The following CPVL variants were observed in gnomAD, a reference collection of about 807,000 sequenced individuals.
The protein encoded by CPVL is probable serine carboxypeptidase CPVL.
CPVL carries 51 observed loss-of-function variants against 63.7 expected under a neutral mutation model. That is an observed-to-expected ratio of 0.80 (90% CI 0.64 to 1.01). CPVL has a LOEUF of 1.01. Among genes scored for constraint, CPVL ranks in the 50% least tolerant of loss-of-function variants. CPVL has a pLI of 0.00. For synonymous variants in CPVL, 195 were observed against 206.0 expected (o/e 0.95, Z 0.46); for missense variants, 530 against 573.1 (o/e 0.92, Z 0.77).
At chr7:29,116,275 G>A (rs1788772168) in intron 2 of CPVL, among the ~76,000 whole-genome samples, 1 of 152,098 alleles carries the variant, frequency 6.6e-6, no homozygotes, top group African/African-American at 2.4e-5. Context: ...GTTTTGCCCT[G>A]TTTCAAATTT....
chr7:29,189,817 C>T (rs984761912), intron 1 of CPVL, among the ~76,000 whole-genome samples: 1 of 152,130 alleles, frequency 6.6e-6, no homozygotes, highest in Non-Finnish European at 1.5e-5. Context: ...ATACTCCAGG[C>T]AATACCCCCA....
chr7:29,071,113 A>G (rs1783692005), intron 9 of CPVL, among the ~76,000 whole-genome samples: 1 of 152,198 alleles, frequency 6.6e-6, no homozygotes, highest in African/African-American at 2.4e-5. Context: ...AAAAAGCAAA[A>G]AAAAACAAAA....
chr7:29,054,067 G>A (rs1296773741), intron 11 of CPVL, among the ~76,000 whole-genome samples: 2 of 151,748 alleles, frequency 1.3e-5, no homozygotes, highest in African/African-American at 4.9e-5. Flanking sequence ...GCAAGATCCT[G>A]TCACAAAACA....
chr7:29,146,033 A>T (rs1045873378), intron 1 of CPVL: 1 of 152,324 alleles, frequency 6.6e-6, no homozygotes, highest in African/African-American at 2.4e-5. Context: ...ACACATCCCC[A>T]AAACACGCGT....
intron 3 of CPVL, among the ~76,000 whole-genome samples, chr7:29,103,672 C>T (rs73684593): frequency 0.018 from 2,678 of 152,220 alleles, 81 homozygotes; most frequent in East Asian, 0.1. Context: ...CAGGCATCTG[C>T]CAATCTTCAG....
At chr7:29,013,700 A>T (rs998613908) in intron 12 of CPVL, among the ~76,000 whole-genome samples, 1 of 152,186 alleles carries the variant, frequency 6.6e-6, no homozygotes, top group African/African-American at 2.4e-5. Flanking sequence ...AGACATAGAG[A>T]TGCACCCCAC....
intron 5 of CPVL, among the ~76,000 whole-genome samples, chr7:29,153,543 A>T (rs1250545441): frequency 6.6e-6 from 1 of 152,182 alleles, no homozygotes; most frequent in East Asian, 1.9e-4. Context: ...CCACTTAATG[A>T]ACAGTAAATA....
At chr7:29,129,563 G>T (rs536023916) in intron 1 of CPVL, among the ~76,000 whole-genome samples, 5 of 151,138 alleles carry the variant, frequency 3.3e-5, no homozygotes, top group Admixed American at 1.3e-4. Flanking sequence ...CTGCCTCCCA[G>T]ATTCAAGCAA....
intron 5 of CPVL, among the ~76,000 whole-genome samples, chr7:29,153,315 C>T (rs755222610): frequency 2.0e-5 from 3 of 152,254 alleles, no homozygotes; most frequent in Non-Finnish European, 2.9e-5. Context: ...ACAGTTGACC[C>T]TTGAACGCAT....
At chr7:28,999,147 G>C (rs1784366701) in intron 12 of CPVL, among the ~76,000 whole-genome samples, 2 of 152,124 alleles carry the variant, frequency 1.3e-5, no homozygotes, top group African/African-American at 2.4e-5. Flanking sequence ...GGGAGGCAGA[G>C]GTTGCAGTGA....
At chr7:29,086,217 A>C (rs1363195232) in intron 7 of CPVL, among the ~76,000 whole-genome samples, 1 of 152,056 alleles carries the variant, frequency 6.6e-6, no homozygotes, top group African/African-American at 2.4e-5. Context: ...GCTTGAACCC[A>C]GGAGGCGCAG....
intron 1 of CPVL, among the ~76,000 whole-genome samples, chr7:29,122,105 A>G (rs1003866669): frequency 2.6e-5 from 4 of 152,230 alleles, no homozygotes; most frequent in African/African-American, 4.8e-5. Flanking sequence ...ATGTATTTGT[A>G]GATGATTTGA....
intron 6 of CPVL, among the ~76,000 whole-genome samples, chr7:29,089,630 T>G (rs1202139047): frequency 6.6e-6 from 1 of 152,158 alleles, no homozygotes; most frequent in African/African-American, 2.4e-5. Context: ...TTACCACCCC[T>G]TTCCATGGCA....
chr7:29,150,586 A>C (rs1351371168), upstream of CPVL, among the ~76,000 whole-genome samples: 2 of 152,222 alleles, frequency 1.3e-5, no homozygotes, highest in African/African-American at 4.8e-5. Context: ...GGTAAATACA[A>C]TTCCAATTGT....
At chr7:29,164,355 T>C (rs1001395660) in intron 5 of CPVL, among the ~76,000 whole-genome samples, 1 of 152,210 alleles carries the variant, frequency 6.6e-6, no homozygotes, top group African/African-American at 2.4e-5. Flanking sequence ...CTCTTCTTAT[T>C]AAGTTGTAAG....
intron 1 of CPVL, among the ~76,000 whole-genome samples, chr7:29,144,126 ATCTT>A (rs1294913839): frequency 2.0e-5 from 3 of 152,232 alleles, no homozygotes; most frequent in African/African-American, 2.4e-5. Flanking sequence ...TTCTAGAGGT[ATCTT>A]TCTAATTCTG....
intron 7 of CPVL, among the ~76,000 whole-genome samples, chr7:29,079,452 C>T (rs1229153689): frequency 6.6e-6 from 1 of 152,024 alleles, no homozygotes; most frequent in Non-Finnish European, 1.5e-5. Flanking sequence ...CCTAACCTCA[C>T]TAAGCCTCGG....
intron 12 of CPVL, among the ~76,000 whole-genome samples, chr7:29,019,903 C>T (rs1786789142): frequency 6.6e-6 from 1 of 152,230 alleles, no homozygotes; most frequent in Non-Finnish European, 1.5e-5. Context: ...CGTGGTAAAA[C>T]ACTCACTATC....
chr7:29,000,544 C>T (rs1024019144), intron 12 of CPVL, among the ~76,000 whole-genome samples: 1 of 151,910 alleles, frequency 6.6e-6, no homozygotes, highest in African/African-American at 2.4e-5. Context: ...AAGCTGCGGG[C>T]GCATGCAGCA....
Sources: allele counts gnomAD v4.1 joint callset (sites outside exome capture counted in the v4.1 genomes callset), GRCh38; gene constraint gnomAD v4.1.1; transcripts MANE v1.5; gene names NCBI Gene and HGNC (gene_info 2026-07-23, HGNC 2026-07-21).